RNF212B: variants seen among roughly 807,000 people sequenced by gnomAD.
RNF212B encodes ring finger protein 212B, also known as E3 ubiquitin-protein ligase RNF212B.
A neutral mutation model predicts 55.5 loss-of-function variants in RNF212B; 52 were observed. That is an observed-to-expected ratio of 0.94 (90% CI 0.75 to 1.18). The LOEUF is 1.18. RNF212B is among the 50% of genes most tolerant of loss of function. The pLI is 0.00. For missense variants in RNF212B, 289 were observed against 350.4 expected (o/e 0.82, Z 1.40); for synonymous variants, 99 against 121.4 (o/e 0.82, Z 1.21).
At chr14:23,206,447 A>G in intron 2 of RNF212B, among the ~76,000 whole-genome samples, 1 of 152,202 alleles carries the variant, frequency 6.6e-6, no homozygotes. Flanking sequence ...GCTCTTTCAT[A>G]TATTTTTAGT....
In RNF212B at chr14:23,270,583, T is replaced by G. The variant is rs1324604851; in HGVS notation, c.773-17T>G. On this transcript the variant is annotated splice_polypyrimidine_tract_variant and intron_variant, in intron 13 of 14. Transcript: ENST00000430154. ...GCCCAAGTAAGTTATCTTTCACTGT[T>G]CCATTCTATCCTTCAGCTCAGAGGG... 6.5e-7 allele frequency: 1 copy of G among 1,541,710 alleles called. No homozygotes were observed.
At chr14:23,229,263 C>G (rs956101563) in intron 2 of RNF212B, among the ~76,000 whole-genome samples, 2 of 38,838 alleles carry the variant, frequency 5.1e-5, no homozygotes, top group South Asian at 1.5e-3. Context: ...TATATATATA[C>G]CACATTGTTT....
chr14:23,268,742 A>G (rs769406915), intron 11 of RNF212B, among the ~76,000 whole-genome samples, 182 bp from the exon 12 acceptor site: 17 of 152,326 alleles, frequency 1.1e-4, no homozygotes, highest in Non-Finnish European at 2.2e-4. Context: ...AAGGGAGAGG[A>G]AAGCACCTAT....
intron 2 of RNF212B, among the ~76,000 whole-genome samples, chr14:23,215,077 T>G (rs1401224126): frequency 6.6e-6 from 1 of 152,212 alleles, no homozygotes; most frequent in African/African-American, 2.4e-5. Flanking sequence ...GGGAGGGACC[T>G]GGTGGGAGGT....
intron 2 of RNF212B, among the ~76,000 whole-genome samples, chr14:23,231,873 C>T (rs537271016): frequency 2.6e-5 from 4 of 152,378 alleles, no homozygotes; most frequent in African/African-American, 7.2e-5. Context: ...AGCTCCTAAC[C>T]GTGAGTGATC....
At chr14:23,205,916 A>G (rs554912422) in intron 2 of RNF212B, among the ~76,000 whole-genome samples, 18 of 152,310 alleles carry the variant, frequency 1.2e-4, no homozygotes, top group African/African-American at 3.6e-4. Flanking sequence ...GACACCTTAC[A>G]TTATTTGGCA....
At chr14:23,272,397 T>A in intron 14 of RNF212B, 1 of 229,658 alleles carries the variant, frequency 4.4e-6, no homozygotes, top group South Asian at 4.7e-5. Flanking sequence ...CCAGCCTGGG[T>A]GACAGAGCGA....
chr14:23,221,591 A>G (rs1385285979), intron 2 of RNF212B, among the ~76,000 whole-genome samples: 2 of 152,250 alleles, frequency 1.3e-5, no homozygotes, highest in African/African-American at 4.8e-5. Flanking sequence ...TCTCCCAGGT[A>G]GAAAATCAAC....
rs544327579 is a variant in RNF212B, at chr14:23,215,740, A to G, written c.-2+22339A>G. ...AAGAATGGCTAATGAAAATTTTTCA[A>G]ACAGAAAGGAAATGATAAACGAAAG... On this transcript the variant is annotated intron_variant, in intron 2 of 15. Transcript: ENST00000399910. 9.2e-5 allele frequency among the ~76,000 whole-genome samples: 14 copies of G among 152,356 alleles called. No individual in the cohort carries two copies. The South Asian group carries it at 2.5e-3, about 27-fold the overall frequency.
chr14:23,193,913 CT>C (rs1448772090), intron 2 of RNF212B, among the ~76,000 whole-genome samples: 2 of 152,172 alleles, frequency 1.3e-5, no homozygotes. Context: ...GCGATCTTGG[CT>C]CACTGCAACC....
At chr14:23,266,367 T>A (rs1332967557) in intron 11 of RNF212B, among the ~76,000 whole-genome samples, 2 of 151,890 alleles carry the variant, frequency 1.3e-5, no homozygotes, top group African/African-American at 4.8e-5. Context: ...CCTACTGTTA[T>A]TGATTTTGAC....
intron 4 of RNF212B, among the ~76,000 whole-genome samples, chr14:23,246,366 G>T (rs1048824448): frequency 6.6e-6 from 1 of 152,106 alleles, no homozygotes; most frequent in East Asian, 1.9e-4. Context: ...CTTCCCTATT[G>T]AAGTTTTCCT....
chr14:23,208,391 G>C (rs1880070715), intron 2 of RNF212B, among the ~76,000 whole-genome samples: 1 of 152,070 alleles, frequency 6.6e-6, no homozygotes, highest in African/African-American at 2.4e-5. Context: ...TAGCTACCTG[G>C]AAGATTGGAG....
At chr14:23,189,541 G>A (rs964192238) in intron 1 of RNF212B, among the ~76,000 whole-genome samples, 7 of 152,068 alleles carry the variant, frequency 4.6e-5, no homozygotes, top group Non-Finnish European at 8.8e-5. Flanking sequence ...GGTGGCTCAC[G>A]TCTATAATCC....
chr14:23,190,596 G>A (rs1878026786), intron 1 of RNF212B, among the ~76,000 whole-genome samples: 1 of 152,120 alleles, frequency 6.6e-6, no homozygotes, highest in South Asian at 2.1e-4. Context: ...CTACCACCCT[G>A]GTTCATCACC....
intron 4 of RNF212B, among the ~76,000 whole-genome samples, chr14:23,245,105 T>G (rs1313384208): frequency 6.6e-6 from 1 of 152,182 alleles, no homozygotes; most frequent in Non-Finnish European, 1.5e-5. Flanking sequence ...GCATATTTCT[T>G]GAGGTTTTTA....
In RNF212B at chr14:23,248,870, G is replaced by A. The variant is rs75074019; in HGVS notation, c.228+4474G>A. Among the ~76,000 whole-genome samples, 982 of 152,236 alleles carry A rather than the reference G, an allele frequency of 6.5e-3. 12 individuals are homozygous for A. Among genetic ancestry groups the A allele is most frequent in the African/African-American group, 0.022 (926 of 41,550 alleles). On this transcript the variant is annotated intron_variant, in intron 4 of 14. Transcript: ENST00000430154. ...GTTGAGTGTCAACAAATGAATTTTT[G>A]TGGGACACAAATATTCAGACCACAG...
intron 13 of RNF212B, 74 bp from the exon 14 acceptor site, chr14:23,270,526 C>A: frequency 9.7e-7 from 1 of 1,027,866 alleles, no homozygotes; most frequent in Non-Finnish European, 1.5e-6. Context: ...TACCTCATTA[C>A]CCTGACCCAC....
At chr14:23,185,642 A>C (rs535096298) in intron 1 of RNF212B, among the ~76,000 whole-genome samples, 1 of 152,194 alleles carries the variant, frequency 6.6e-6, no homozygotes, top group African/African-American at 2.4e-5. Context: ...CAAATTATGA[A>C]CTAAGAAGCT....
Sources: allele counts gnomAD v4.1 joint callset (sites outside exome capture counted in the v4.1 genomes callset), GRCh38; gene constraint gnomAD v4.1.1; transcripts MANE v1.5; gene names NCBI Gene and HGNC (gene_info 2026-07-23, HGNC 2026-07-21).